Variants in LPP observed in about 807,000 individuals in gnomAD.
The protein encoded by LPP is LIM domain containing preferred translocation partner in lipoma, also known as lipoma-preferred partner.
In LPP, 38 loss-of-function variants were observed where a neutral mutation model predicts 60.4. That is an observed-to-expected ratio of 0.63 (90% confidence interval 0.49 to 0.83). LPP has a LOEUF of 0.83. Ranked by LOEUF, LPP falls within the 40% of genes least tolerant of loss-of-function variation. The pLI, the probability that LPP is intolerant of heterozygous loss-of-function variation, is 0.00. For missense variants in LPP, 902 were observed against 783.6 expected, an observed-to-expected ratio of 1.15 and a Z score of -1.80; for synonymous variants, 328 against 290.8, an observed-to-expected ratio of 1.13 and a Z score of -1.30.
At chr3:188,296,044 C>T (rs1577922984) in intron 2 of LPP, among the ~76,000 whole-genome samples, 1 of 152,160 alleles carries the variant, frequency 6.6e-6, no homozygotes, top group Non-Finnish European at 1.5e-5. Flanking sequence ...TGAGCACAGA[C>T]CCTGTTCCAT....
In LPP at chr3:188,708,125, A is replaced by G. The variant is rs1865844864; in HGVS notation, c.1114-142A>G. Reference sequence around the variant, plus strand: ...AAGGTTAGCCACTGAATAAGTGATAAAACTAATTCTAAAACCCAGGTCTCC... The same window carrying G: ...AAGGTTAGCCACTGAATAAGTGATAGAACTAATTCTAAAACCCAGGTCTCC... On this transcript the variant is annotated intron_variant, in intron 7 of 11. Transcript: ENST00000617246. The G allele has an allele frequency of 8.5e-6, 7 of 826,498 alleles. No homozygotes were observed. In the East Asian group the frequency reaches 1.5e-4, roughly 18 times the overall value. The allele number at this position is 826,498 out of a possible 1,614,324, so 51.2% of individuals were successfully genotyped here.
intron 5 of LPP, among the ~76,000 whole-genome samples, chr3:188,509,358 A>G (rs1814524468): frequency 6.6e-6 from 1 of 152,208 alleles, no homozygotes; most frequent in Non-Finnish European, 1.5e-5. Context: ...ATAAGAAGAC[A>G]CTAAAACTAA....
intron 7 of LPP, among the ~76,000 whole-genome samples, chr3:188,698,579 G>A (rs539746981): frequency 1.3e-5 from 2 of 151,878 alleles, no homozygotes; most frequent in African/African-American, 4.8e-5. Context: ...AGGTTGGCAG[G>A]AGATCTTTGA....
chr3:188,712,174 TA>T (rs1311145481), intron 8 of LPP: 2 of 152,228 alleles, frequency 1.3e-5, no homozygotes, highest in African/African-American at 4.8e-5. Context: ...GGATAGTGGT[TA>T]AAAACATGCA....
chr3:188,881,139 C>A lies in LPP; in HGVS notation c.*6660C>A, dbSNP rs1175942220. ...TGGGCGAAAGAGCGAGACTCCGTCT[C>A]AAAAAAAAAAAAAAAAAAATAGGAT... On this transcript the variant is annotated 3_prime_UTR_variant, in exon 12 of 12. Coordinates refer to ENST00000617246, the MANE Select transcript of LPP (RefSeq NM_001375462.1). 59 of 72,572 alleles carry A rather than the reference C, an allele frequency of 8.1e-4. No homozygotes were observed. Among genetic ancestry groups the A allele is most frequent in the African/African-American group, 1.8e-3 (40 of 22,702 alleles). The allele number at this position is 72,572 out of a possible 1,614,324, so 4.5% of individuals were successfully genotyped here. A position where few individuals can be genotyped will look rare whatever the true frequency, so the allele number is the denominator to read the frequency against.
intron 9 of LPP, among the ~76,000 whole-genome samples, chr3:188,761,179 G>A (rs1046746270): frequency 6.6e-6 from 1 of 152,128 alleles, no homozygotes; most frequent in African/African-American, 2.4e-5. Context: ...GTCCCTCAGT[G>A]CCCAGAGATT....
chr3:188,370,400 G>T (rs888053004), intron 3 of LPP, among the ~76,000 whole-genome samples: 3 of 152,136 alleles, frequency 2.0e-5, no homozygotes, highest in African/African-American at 7.2e-5. Flanking sequence ...GATAGATGTG[G>T]GTAACTCTCT....
At position 188,524,680 on chromosome 3, in the gene LPP, A is replaced by G. The variant is rs1358285416; in HGVS notation, c.322A>G (p.Lys108Glu). 6.2e-7 allele frequency: 1 copy of G among 1,613,646 alleles called. No homozygotes were observed. The highest frequency in any genetic ancestry group is 8.5e-7 in the Non-Finnish European group (1 of 1,179,804). Residue 108 changes from lysine (K) to glutamate (E), a missense_variant, in exon 6 of 12, where the codon AAG becomes GAG. Lys to Glu is a moderately conservative substitution (Grantham distance 56, BLOSUM62 1). Coordinates refer to ENST00000617246, the MANE Select transcript of LPP (RefSeq NM_001375462.1). Reference sequence around the variant, plus strand: ...CTTCCAACAGGGGAATCCCGGAGGCAAGACACTTGAGGAGAGGCGCTCCAG... The same window carrying G: ...CTTCCAACAGGGGAATCCCGGAGGCGAGACACTTGAGGAGAGGCGCTCCAG... ...AFKVQGNPGG[K>E]TLEERRSSLD...
At chr3:188,423,010 T>A (rs1788264893) in intron 4 of LPP, among the ~76,000 whole-genome samples, 1 of 151,536 alleles carries the variant, frequency 6.6e-6, no homozygotes, top group Non-Finnish European at 1.5e-5. Context: ...GCAGGTTTGT[T>A]ACATAGGTAT....
chr3:188,568,193 T>TTA (rs1236163776), intron 6 of LPP: 1 of 152,014 alleles, frequency 6.6e-6, no homozygotes, highest in East Asian at 1.9e-4. Flanking sequence ...GCATAATATT[T>TTA]TATTTTTATG....
intron 3 of LPP, among the ~76,000 whole-genome samples, chr3:188,389,044 G>C (rs753967254): frequency 1.3e-5 from 2 of 151,814 alleles, no homozygotes; most frequent in Non-Finnish European, 2.9e-5. Flanking sequence ...TCATTTTTTT[G>C]GCAAACTGTT....
rs151173112 is a variant in LPP, at chr3:188,874,645, C to G, written c.*166C>G. ...TGAGATTTTTTTTAAAAGTTGTTAC[C>G]AAATACACATTTCACATTGAATCAT... On this transcript the variant is annotated 3_prime_UTR_variant, in exon 12 of 12. Transcript: ENST00000617246. 3 of 733,866 alleles carry G rather than the reference C, an allele frequency of 4.1e-6. No individual in the cohort carries two copies. In the African/African-American group the frequency reaches 5.3e-5, roughly 13 times the overall value. The allele number at this position is 733,866 out of a possible 1,614,324, so 45.5% of individuals were successfully genotyped here.
intron 3 of LPP, among the ~76,000 whole-genome samples, chr3:188,375,556 C>A (rs1774773551): frequency 1.3e-5 from 2 of 151,704 alleles, no homozygotes; most frequent in Non-Finnish European, 2.9e-5. Context: ...TGGTGATATC[C>A]CCTTTATCAT....
chr3:188,553,926 T>C (rs1461125547), intron 6 of LPP: 1 of 152,206 alleles, frequency 6.6e-6, no homozygotes, highest in Non-Finnish European at 1.5e-5. Context: ...ACACTATATC[T>C]GATCACAGAA....
At chr3:188,173,157 C>T (rs1422251115) in intron 1 of LPP, among the ~76,000 whole-genome samples, 3 of 152,194 alleles carry the variant, frequency 2.0e-5, no homozygotes, top group Admixed American at 2.0e-4. Context: ...GTGTAAGCCA[C>T]CACGCCTGGC....
At chr3:188,289,980 C>CTCA in intron 2 of LPP, among the ~76,000 whole-genome samples, 1 of 151,526 alleles carries the variant, frequency 6.6e-6, no homozygotes, top group East Asian at 1.9e-4. Flanking sequence ...CTTGGAAGTG[C>CTCA]TCATAAACAT....
rs62289900 is a variant in LPP at position 188,875,540 on chromosome 3, G to A, written c.*1061G>A. On this transcript the variant is annotated 3_prime_UTR_variant, in exon 12 of 12. Transcript: ENST00000617246. ...AAATCAGAGCATACAAAATAAAACT[G>A]TGCAGTTTTGTTTGGTTTACTTTCA... 2.7e-3 allele frequency: 574 copies of A among 212,400 alleles called. 2 individuals carry two copies. Among genetic ancestry groups the A allele is most frequent in the Admixed American group, 4.4e-3 (75 of 17,056 alleles). 13.2% of individuals were successfully genotyped at this position (212,400 alleles called of 1,614,324 possible).
chr3:188,242,201 G>T (rs1725183674), intron 2 of LPP, among the ~76,000 whole-genome samples: 1 of 152,132 alleles, frequency 6.6e-6, no homozygotes, highest in South Asian at 2.1e-4. Context: ...CTTAACATGG[G>T]TTATTTTTTA....
chr3:188,573,870 G>C (rs1040935568), intron 6 of LPP, among the ~76,000 whole-genome samples: 12 of 152,086 alleles, frequency 7.9e-5, no homozygotes, highest in Admixed American at 7.2e-4. Flanking sequence ...GTTTAGACAA[G>C]TTTGCAAGTG....
Sources: gnomAD v4.1 joint callset for allele counts (sites outside exome capture counted in the v4.1 genomes callset) on GRCh38, gnomAD v4.1.1 for gene constraint, MANE v1.5 for transcripts, NCBI Gene and HGNC (gene_info 2026-07-23, HGNC 2026-07-21) for gene names.